Variants in DRC3 observed in about 807,000 individuals in gnomAD.
The protein encoded by DRC3 is dynein regulatory complex subunit 3, also known as leucine rich repeat containing 48.
A neutral mutation model predicts 57.6 loss-of-function variants in DRC3; 45 were observed. The ratio of observed to expected loss-of-function variants is 0.78; its 90% CI spans 0.62 to 1.00. The LOEUF (loss-of-function observed/expected upper bound fraction) is 1.00. Among genes scored for constraint, DRC3 ranks in the 50% least tolerant of loss-of-function variants. DRC3 has a pLI of 0.00. For synonymous variants in DRC3, 257 were observed against 272.3 expected, an observed-to-expected ratio of 0.94 and a Z score of 0.55; for missense variants, 655 against 675.2, an observed-to-expected ratio of 0.97 and a Z score of 0.33.
At position 18,014,253 on chromosome 17, in the gene DRC3, T is replaced by C. The variant is rs559847264; in HGVS notation, c.1327-1811T>C. Among the ~76,000 whole-genome samples, 40 of 152,294 alleles carry C rather than the reference T, an allele frequency of 2.6e-4. No individual in the cohort carries two copies. In the South Asian group the frequency reaches 8.3e-3, roughly 32 times the overall value. ...GTGCCAACGTGTTTAAACAAAGAAG[T>C]TGCTTTGAAAGAAATGTGTCTTTAC... On this transcript the variant is annotated intron_variant, in intron 12 of 13. Transcript: ENST00000399187.
chr17:17,987,837 C>A, intron 4 of DRC3, 95 bp from the exon 5 acceptor site: 2 of 1,340,412 alleles, frequency 1.5e-6, no homozygotes, highest in Non-Finnish European at 2.0e-6. Context: ...TTGGTGCTGG[C>A]TCACAGGGCA....
intron 7 of DRC3, 53 bp from the exon 8 acceptor site, chr17:17,994,946 A>G (rs915927356): frequency 2.4e-6 from 3 of 1,266,378 alleles, no homozygotes; most frequent in African/African-American, 2.9e-5. Flanking sequence ...CTGTGAGATG[A>G]TGCAGGGGCC....
At chr17:18,007,668 A>T in intron 12 of DRC3, 1 of 1,353,894 alleles carries the variant, frequency 7.4e-7, no homozygotes. Context: ...CACGCTAAGA[A>T]GGCTCTCCCG....
chr17:17,992,961 GC>G, intron 6 of DRC3, 50 bp downstream of exon 6: 3 of 1,603,992 alleles, frequency 1.9e-6, no homozygotes, highest in Non-Finnish European at 1.7e-6. Context: ...GATTCCTCAA[GC>G]CCCCAGGTTT....
intron 2 of DRC3, among the ~76,000 whole-genome samples, chr17:17,976,960 C>A (rs1050715657): frequency 5.3e-5 from 8 of 152,240 alleles, no homozygotes; most frequent in Admixed American, 2.0e-4. Flanking sequence ...ACTCCCTATT[C>A]CTCCCCAGCT....
rs1459984353 is a variant in DRC3 at position 17,988,466 on chromosome 17, C to T, written c.444+368C>T. ...TGGTCCCTTTGGAGTGACCAGCACA[C>T]ACCCCCATAGTCAAGGCACAAGGAG... On this transcript the variant is annotated intron_variant, in intron 5 of 13. Transcript: ENST00000399187. 10 of 214,454 alleles carry T rather than the reference C, an allele frequency of 4.7e-5. No individual in the cohort carries two copies. In the East Asian group the frequency reaches 5.3e-4, roughly 11 times the overall value. The allele number at this position is 214,454 out of a possible 1,614,324, so 13.3% of individuals were successfully genotyped here.
In DRC3 at chr17:17,994,991, G is replaced by A; in HGVS notation, c.712-8G>A. ...AGCCGTCCTACCTACGTGTGTTTCT[G>A]CCTGCAGACTGCGTTTGTGGAACAC... On this transcript the variant is annotated splice_polypyrimidine_tract_variant and splice_region_variant and intron_variant, in intron 7 of 13. Transcript: ENST00000399187. The A allele has an allele frequency of 1.9e-6, 3 of 1,611,768 alleles. No individual in the cohort carries two copies. Among genetic ancestry groups the A allele is most frequent in the Non-Finnish European group, 2.5e-6 (3 of 1,177,928 alleles).
chr17:18,006,280 A>G, intron 11 of DRC3, 27 bp downstream of exon 11: 2 of 1,544,188 alleles, frequency 1.3e-6, no homozygotes, highest in South Asian at 1.1e-5. Flanking sequence ...GACCTTCCCC[A>G]TGGGGAGGTG....
At chr17:17,999,079 C>T (rs2043581242) in intron 9 of DRC3, among the ~76,000 whole-genome samples, 1 of 152,182 alleles carries the variant, frequency 6.6e-6, no homozygotes, top group African/African-American at 2.4e-5. Flanking sequence ...TTGGGAGTGT[C>T]AGCTAGCTGG....
chr17:17,999,917 T>C (rs765740266), intron 9 of DRC3, among the ~76,000 whole-genome samples: 9 of 146,176 alleles, frequency 6.2e-5, no homozygotes, highest in Non-Finnish European at 1.0e-4. Flanking sequence ...TGTATCTCTG[T>C]GTGTGTGTGT....
intron 12 of DRC3, among the ~76,000 whole-genome samples, chr17:18,013,745 T>C (rs1003614699): frequency 4.6e-5 from 7 of 152,312 alleles, no homozygotes; most frequent in Admixed American, 1.3e-4. Flanking sequence ...GGGATGACTA[T>C]AGTTGACAAT....
At chr17:17,984,820 G>A (rs2145257232) in intron 4 of DRC3, among the ~76,000 whole-genome samples, 1 of 152,220 alleles carries the variant, frequency 6.6e-6, no homozygotes, top group East Asian at 1.9e-4. Context: ...CTGGGGCATC[G>A]TGAGCCTTCC....
At chr17:18,010,838 A>T in intron 12 of DRC3, 1 of 364,616 alleles carries the variant, frequency 2.7e-6, no homozygotes, top group South Asian at 2.2e-5. Context: ...CTGGTCAAGG[A>T]CATGAAGATC....
intron 7 of DRC3, 83 bp from the exon 8 acceptor site, chr17:17,994,916 G>T: frequency 1.1e-6 from 1 of 886,104 alleles, no homozygotes; most frequent in East Asian, 2.5e-5. Flanking sequence ...GCTCCCTCCT[G>T]ACCTGCCTTC....
chr17:18,015,929 A>C lies in DRC3; in HGVS notation c.1327-135A>C. 3 of 867,840 alleles carry C rather than the reference A, an allele frequency of 3.5e-6. No individual in the cohort carries two copies. The South Asian group carries it at 4.9e-5, about 14-fold the overall frequency. 53.8% of individuals were successfully genotyped at this position (867,840 alleles called of 1,614,324 possible). On this transcript the variant is annotated intron_variant, in intron 12 of 13. Transcript: ENST00000399187. ...ACAGATGAATCGGCAGAGTGCGCTGATACAAAGGTGGGCTCTGCTCTGAGT... is the reference window on the plus strand; with the variant it reads ...ACAGATGAATCGGCAGAGTGCGCTGCTACAAAGGTGGGCTCTGCTCTGAGT...
At chr17:18,007,361 A>G in intron 12 of DRC3, 1 of 1,545,974 alleles carries the variant, frequency 6.5e-7, no homozygotes, top group Non-Finnish European at 8.8e-7. Context: ...GTTAAAGAGG[A>G]GCTCATGATA....
rs182146144 is a variant in DRC3, at chr17:17,978,034, C to T, written c.160+276C>T. 2.4e-3 allele frequency: 760 copies of T among 312,560 alleles called. 8 individuals carry two copies. Among genetic ancestry groups the T allele is most frequent in the African/African-American group, 0.016 (720 of 45,600 alleles). The allele number at this position is 312,560 out of a possible 1,614,324, so 19.4% of individuals were successfully genotyped here. A position where few individuals can be genotyped will look rare whatever the true frequency, so the allele number is the denominator to read the frequency against. On this transcript the variant is annotated intron_variant, in intron 3 of 13. Transcript: ENST00000399187. ...CCCACGCCAAATCTAAGTGAGCCCC[C>T]AAGACTATGCTGTTTCCATCACACA...
At position 17,999,914 on chromosome 17, in the gene DRC3, C is replaced by CTG. The variant is rs147338372; in HGVS notation, c.999+2295_999+2296dup. On this transcript the variant is annotated intron_variant, in intron 9 of 13. Transcript: ENST00000399187. ...CGGTCTCCCTCCTACTCCTGTATCT[C>CTG]TGTGTGTGTGTGTGTGCGTGCGTGC... 8.6e-3 allele frequency among the ~76,000 whole-genome samples: 1,304 copies of CTG among 151,636 alleles called. 11 individuals are homozygous for CTG. The highest frequency in any genetic ancestry group is 0.029 in the African/African-American group (1,207 of 41,440).
chr17:17,984,621 C>A (rs1388565950), intron 4 of DRC3, among the ~76,000 whole-genome samples: 1 of 152,096 alleles, frequency 6.6e-6, no homozygotes, highest in Non-Finnish European at 1.5e-5. Context: ...CCATTTTAAT[C>A]CTAAGAGTTG....
Sources: allele counts gnomAD v4.1 joint callset (sites outside exome capture counted in the v4.1 genomes callset), GRCh38; gene constraint gnomAD v4.1.1; transcripts MANE v1.5; gene names NCBI Gene and HGNC (gene_info 2026-07-23, HGNC 2026-07-21).